The following AQR variants were observed in gnomAD, a reference collection of about 807,000 sequenced individuals.
The protein encoded by AQR is RNA helicase aquarius.
In AQR, 61 loss-of-function variants were observed where a neutral mutation model predicts 180.5. That is an observed-to-expected ratio of 0.34 (90% CI 0.28 to 0.42). The LOEUF is 0.42. Among genes scored for constraint, AQR ranks in the 10% least tolerant of loss-of-function variants. The pLI is 1.00. For synonymous variants in AQR, 551 were observed against 588.8 expected (o/e 0.94, Z 0.93); for missense variants, 1,281 against 1,798.3 (o/e 0.71, Z 5.20).
chr15:34,860,040 A>C lies in AQR; in HGVS notation c.4143+2T>G. The stretch of plus-strand genomic sequence containing the variant: ...AATAAAAGTCGATTTTGAGAAACTC[A>C]CCTGATGATAATGATGTGTAGTCTG... On this transcript the variant is annotated splice_donor_variant, in intron 34 of 34. Transcript: ENST00000156471. LOFTEE classifies it high-confidence loss of function. 7.4e-7 allele frequency: 1 copy of C among 1,350,202 alleles called. No homozygotes were observed. The highest frequency in any genetic ancestry group is 9.8e-7 in the Non-Finnish European group (1 of 1,024,302). The allele number at this position is 1,350,202 out of a possible 1,614,324, so 83.6% of individuals were successfully genotyped here.
intron 6 of AQR, among the ~76,000 whole-genome samples, chr15:34,944,004 C>A (rs1243582672): frequency 6.6e-6 from 1 of 152,124 alleles, no homozygotes; most frequent in African/African-American, 2.4e-5. Context: ...TGTGCTCTCC[C>A]TTTAGAGTTT....
intron 3 of AQR, among the ~76,000 whole-genome samples, chr15:34,953,907 TTTTG>T (rs768297333): frequency 1.3e-5 from 2 of 152,286 alleles, no homozygotes; most frequent in South Asian, 2.1e-4. Context: ...CTTTTAAACA[TTTTG>T]TTTATTTTTT....
chr15:34,880,546 A>T (rs1429711758), intron 27 of AQR, among the ~76,000 whole-genome samples: 1 of 152,218 alleles, frequency 6.6e-6, no homozygotes, highest in African/African-American at 2.4e-5. Context: ...AAAAAAGGCG[A>T]AAATCATTAA....
intron 1 of AQR, among the ~76,000 whole-genome samples, chr15:34,965,287 C>T (rs967821436): frequency 6.6e-6 from 1 of 151,852 alleles, no homozygotes; most frequent in South Asian, 2.1e-4. Context: ...GTGATGAACA[C>T]ATACAACACA....
In AQR at chr15:34,862,878, T is replaced by C. The variant is rs555239193; in HGVS notation, c.4018A>G (p.Thr1340Ala). The C allele has an allele frequency of 1.9e-5, 30 of 1,613,282 alleles. No individual in the cohort carries two copies. The highest frequency in any genetic ancestry group is 2.4e-5 in the Non-Finnish European group (28 of 1,179,610). Reference protein sequence around the residue: ...LHIIPTEPFPTTRKNGERPSH... With the variant: ...LHIIPTEPFPATRKNGERPSH... ...GAAAGAAGTCCTACCTTTCTAGTAG[T>C]TGGGAAAGGTTCTGTTGGAATTATA... Residue 1340 changes from threonine (T) to alanine (A), a missense_variant, in exon 33 of 35, where the codon ACT becomes GCT. This residue lies in a region of AQR where 182 missense variants were observed against 185.3 expected (regional missense o/e 0.98). Coordinates refer to ENST00000156471, the MANE Select transcript of AQR (RefSeq NM_014691.3).
chr15:34,871,226 G>A lies in AQR; in HGVS notation c.3598-304C>T, dbSNP rs1441894734. On this transcript the variant is annotated intron_variant, in intron 30 of 34. Coordinates refer to ENST00000156471, the MANE Select transcript of AQR (RefSeq NM_014691.3). Reference sequence around the variant, plus strand: ...CACAATATAGATTAATACTATTCTGGCCAGGCATGGTAGCTCACATCTGTA... The same window carrying A: ...CACAATATAGATTAATACTATTCTGACCAGGCATGGTAGCTCACATCTGTA... 2.0e-5 allele frequency among the ~76,000 whole-genome samples: 3 copies of A among 152,128 alleles called. No homozygotes were observed. In the East Asian group the frequency reaches 5.8e-4, roughly 29 times the overall value.
intron 2 of AQR, 89 bp downstream of exon 2, chr15:34,964,145 T>A (rs2050297198): frequency 3.1e-6 from 3 of 961,506 alleles, no homozygotes; most frequent in Non-Finnish European, 4.7e-6. Flanking sequence ...GTTTTTAATT[T>A]TAAAAAAATT....
intron 14 of AQR, among the ~76,000 whole-genome samples, chr15:34,919,930 CA>C (rs544302159): frequency 6.6e-6 from 1 of 151,168 alleles, no homozygotes; most frequent in African/African-American, 2.4e-5. Context: ...AACAAAAAAA[CA>C]AAAAAAGAAG....
chr15:34,860,096 G>T lies in AQR; in HGVS notation c.4089C>A (p.Asn1363Lys). Residue 1363 changes from asparagine (N) to lysine (K), a missense_variant, in exon 34 of 35, where the codon AAC becomes AAA. By Grantham distance (94) the Asn-to-Lys change is moderately conservative. This residue lies in a region of AQR where 182 missense variants were observed against 185.3 expected (regional missense o/e 0.98). Transcript: ENST00000156471. ...AATGCATGTACATGTTGTATACAAA[G>T]TTTGCCATCTGGGGCATATTTTTTA... The part of the protein sequence containing the change: ...QIIKNMPQMA[N>K]FVYNMYMHLI... The T allele has an allele frequency of 6.6e-7, 1 of 1,525,440 alleles. No homozygotes were observed. The highest frequency in any genetic ancestry group is 8.9e-7 in the Non-Finnish European group (1 of 1,124,580). The allele number at this position is 1,525,440 out of a possible 1,614,324, so 94.5% of individuals were successfully genotyped here.
At chr15:34,951,872 A>G (rs1268113286) in intron 4 of AQR, among the ~76,000 whole-genome samples, 1 of 152,106 alleles carries the variant, frequency 6.6e-6, no homozygotes, top group Non-Finnish European at 1.5e-5. Context: ...TCTCAGGGCG[A>G]GATGGGTCCA....
intron 3 of AQR, among the ~76,000 whole-genome samples, chr15:34,953,623 A>G (rs988852180): frequency 6.6e-6 from 1 of 152,244 alleles, no homozygotes; most frequent in African/African-American, 2.4e-5. Context: ...TGCAAAAGAC[A>G]GAATATTGCC....
Position 34,854,637 on chromosome 15 carries a change from C to A in AQR, c.*2155G>T, listed in dbSNP as rs1892562463. The A allele has an allele frequency of 6.6e-6, 1 of 152,212 alleles. No individual in the cohort carries two copies. The highest frequency in any genetic ancestry group is 2.1e-4 in the South Asian group (1 of 4,834). The allele number at this position is 152,212 out of a possible 1,614,324, so 9.4% of individuals were successfully genotyped here. ...ACCGTTTAAAAGAATTCAAATCCCA[C>A]CACCTTTACCCTTTCTAAATTCTTT... On this transcript the variant is annotated 3_prime_UTR_variant, in exon 35 of 35. Transcript: ENST00000156471.
intron 18 of AQR, 27 bp downstream of exon 18, chr15:34,906,518 C>T (rs745583593): frequency 6.2e-7 from 1 of 1,611,938 alleles, no homozygotes; most frequent in South Asian, 1.1e-5. Context: ...TATACACATA[C>T]TCTTTCAAAA....
intron 24 of AQR, among the ~76,000 whole-genome samples, chr15:34,889,206 T>C (rs926396805): frequency 2.6e-5 from 4 of 152,208 alleles, no homozygotes; most frequent in African/African-American, 7.2e-5. Context: ...AAAGTATTAC[T>C]GGCTAATCTG....
intron 16 of AQR, among the ~76,000 whole-genome samples, 176 bp from the exon 17 acceptor site, chr15:34,910,489 G>C (rs1314781135): frequency 6.6e-6 from 1 of 152,102 alleles, no homozygotes; most frequent in Admixed American, 6.6e-5. Flanking sequence ...AGTATGCAAA[G>C]TATATAAGAT....
In AQR at chr15:34,900,732, G is replaced by C. The variant is rs746462993; in HGVS notation, c.2133C>G (p.Thr711=). The part of the protein sequence containing the change: ...HYSKMPNQIA[T]LDFNDTFLSI... The stretch of plus-strand genomic sequence containing the variant: ...AGAGAAATGTATCATTGAAATCAAG[G>C]GTGGCAATCTGATTGGGCATTTTCG... The change falls in exon 20 of 35, where the codon ACC becomes ACG. Residue 711 remains threonine, a synonymous_variant. Transcript: ENST00000156471. The C allele has an allele frequency of 6.2e-7, 1 of 1,614,106 alleles. No homozygotes were observed. Among genetic ancestry groups the C allele is most frequent in the South Asian group, 1.1e-5 (1 of 91,082 alleles).
At position 34,910,323 on chromosome 15, in the gene AQR, A is replaced by C; in HGVS notation, c.1485-10T>G. ...GCCATATTCAGATTGCCTGAAACCA[A>C]AGAAATGGATGATTACTCAAACAAA... On this transcript the variant is annotated splice_polypyrimidine_tract_variant and intron_variant, in intron 16 of 34. Transcript: ENST00000156471. 1 of 1,609,464 alleles carries C rather than the reference A, an allele frequency of 6.2e-7. No homozygotes were observed. The highest frequency in any genetic ancestry group is 1.3e-5 in the African/African-American group (1 of 74,940).
At chr15:34,955,138 T>C (rs543349978) in intron 3 of AQR, among the ~76,000 whole-genome samples, 3 of 151,934 alleles carry the variant, frequency 2.0e-5, no homozygotes, top group Non-Finnish European at 4.4e-5. Context: ...AATAAATAAA[T>C]AAATAATAAG....
chr15:34,852,097 T>A lies in AQR; in HGVS notation c.*4695A>T, dbSNP rs1186928977. On this transcript the variant is annotated 3_prime_UTR_variant, in exon 35 of 35. Transcript: ENST00000156471. ...AGGGAAAAAAAATGTATTTTGGGGCTTTATCTTTAAAGGGCGATTCACAGT... is the reference window on the plus strand; with the variant it reads ...AGGGAAAAAAAATGTATTTTGGGGCATTATCTTTAAAGGGCGATTCACAGT... 4 of 152,174 alleles carry A rather than the reference T, an allele frequency of 2.6e-5. No homozygotes were observed. Among genetic ancestry groups the A allele is most frequent in the African/African-American group, 9.7e-5 (4 of 41,432 alleles). The allele number at this position is 152,174 out of a possible 1,614,324, so 9.4% of individuals were successfully genotyped here. A position where few individuals can be genotyped will look rare whatever the true frequency, so the allele number is the denominator to read the frequency against.
Sources: allele counts gnomAD v4.1 joint callset (sites outside exome capture counted in the v4.1 genomes callset), GRCh38; gene constraint gnomAD v4.1.1; regional missense constraint gnomAD v4.1.1; transcripts MANE v1.5; gene names NCBI Gene and HGNC (gene_info 2026-07-23, HGNC 2026-07-21).